GPATCH2L: variants seen among roughly 807,000 people sequenced by gnomAD.
GPATCH2L encodes G patch domain-containing protein 2-like.
GPATCH2L carries 31 observed loss-of-function variants against 57.4 expected under a neutral mutation model. The observed-to-expected ratio is 0.54, with a 90% CI of 0.41 to 0.73. The LOEUF (loss-of-function observed/expected upper bound fraction) is 0.73. Among genes scored for constraint, GPATCH2L ranks in the 30% least tolerant of loss-of-function variants. The probability of loss-of-function intolerance (pLI) is 0.00; values close to 1 mark genes in which losing one functional copy is unlikely to be tolerated. For synonymous variants in GPATCH2L, 199 were observed against 210.7 expected (o/e 0.94, Z 0.48); for missense variants, 481 against 599.9 (o/e 0.80, Z 2.07).
chr14:76,164,884 C>T (rs1457912887), intron 2 of GPATCH2L, among the ~76,000 whole-genome samples: 1 of 152,130 alleles, frequency 6.6e-6, no homozygotes, highest in Non-Finnish European at 1.5e-5. Flanking sequence ...ATGCCATGTC[C>T]AATCATCTGG....
chr14:76,208,280 T>C lies in GPATCH2L; in HGVS notation c.*6429T>C, dbSNP rs570048264. 1 of 152,338 alleles carries C rather than the reference T, an allele frequency of 6.6e-6. No homozygotes were observed. Among genetic ancestry groups the C allele is most frequent in the East Asian group, 1.9e-4 (1 of 5,188 alleles). The allele number at this position is 152,338 out of a possible 1,614,324, so 9.4% of individuals were successfully genotyped here. A position where few individuals can be genotyped will look rare whatever the true frequency, so the allele number is the denominator to read the frequency against. On this transcript the variant is annotated 3_prime_UTR_variant, in exon 10 of 10. Transcript: ENST00000261530. ...AGAACTTAAAGATGGCCTTCGTGAC[T>C]TTGACTCAAAATCAATGCATTTCAT...
At chr14:76,153,529 T>A (rs1009067477) in intron 1 of GPATCH2L, 1 of 152,250 alleles carries the variant, frequency 6.6e-6, no homozygotes. Flanking sequence ...CAGCTGCTAT[T>A]GTATCCTAGT....
chr14:76,196,007 A>G (rs1473449569), intron 9 of GPATCH2L, 35 bp downstream of exon 9: 4 of 1,438,222 alleles, frequency 2.8e-6, no homozygotes, highest in Non-Finnish European at 2.9e-6. Context: ...TTGAGCATGT[A>G]CCGTGTGCCA....
chr14:76,221,454 C>T (rs1159415954), intron 1 of GPATCH2L, among the ~76,000 whole-genome samples: 1 of 152,170 alleles, frequency 6.6e-6, no homozygotes, highest in Non-Finnish European at 1.5e-5. Flanking sequence ...TCTTGCAAAA[C>T]TAAGCATGCT....
chr14:76,184,068 C>T (rs537879856), intron 8 of GPATCH2L, among the ~76,000 whole-genome samples: 3 of 144,634 alleles, frequency 2.1e-5, no homozygotes, highest in East Asian at 2.1e-4. Flanking sequence ...GTGTGTGTGG[C>T]GACAATGTTA....
In GPATCH2L at chr14:76,207,516, C is replaced by T. The variant is rs1014232813; in HGVS notation, c.*5665C>T. ...TGATAATGATGAATCATTTAAAGTA[C>T]GGCTCATAAAAATGAAAAAAAAAAT... On this transcript the variant is annotated 3_prime_UTR_variant, in exon 10 of 10. Coordinates refer to ENST00000261530, the MANE Select transcript of GPATCH2L (RefSeq NM_017926.4). The T allele has an allele frequency of 5.4e-5, 8 of 148,350 alleles. No individual in the cohort carries two copies. The highest frequency in any genetic ancestry group is 1.0e-4 in the Non-Finnish European group (7 of 67,536). The allele number at this position is 148,350 out of a possible 1,614,324, so 9.2% of individuals were successfully genotyped here.
At chr14:76,200,415 C>G (rs1274481225) in intron 9 of GPATCH2L, among the ~76,000 whole-genome samples, 1 of 151,982 alleles carries the variant, frequency 6.6e-6, no homozygotes, top group Non-Finnish European at 1.5e-5. Flanking sequence ...CATGTAGGTA[C>G]AGTTTTTTGA....
At chr14:76,176,541 C>G in intron 5 of GPATCH2L, 82 bp from the exon 6 acceptor site, 2 of 965,138 alleles carry the variant, frequency 2.1e-6, no homozygotes, top group Non-Finnish European at 3.4e-6. Context: ...TTAGCTGGCA[C>G]AGTTATGGGA....
At chr14:76,156,963 T>C (rs2038337621) in intron 2 of GPATCH2L, among the ~76,000 whole-genome samples, 1 of 152,214 alleles carries the variant, frequency 6.6e-6, no homozygotes, top group African/African-American at 2.4e-5. Context: ...ATAACTTAAG[T>C]GGATGGGAAT....
rs2040420435 is a variant in GPATCH2L at position 76,209,844 on chromosome 14, T to C, written c.*7993T>C. On this transcript the variant is annotated 3_prime_UTR_variant, in exon 10 of 10. Coordinates refer to ENST00000261530, the MANE Select transcript of GPATCH2L (RefSeq NM_017926.4). The stretch of plus-strand genomic sequence containing the variant: ...TTTCTGATTCAAAATATGGGGTAGG[T>C]GGATCTGATTAGTAGTCATATGCCT... 6.6e-6 allele frequency: 1 copy of C among 152,214 alleles called. No homozygotes were observed. Among genetic ancestry groups the C allele is most frequent in the Non-Finnish European group, 1.5e-5 (1 of 68,046 alleles). 9.4% of individuals were successfully genotyped at this position (152,214 alleles called of 1,614,324 possible). A position where few individuals can be genotyped will look rare whatever the true frequency, so the allele number is the denominator to read the frequency against.
At chr14:76,157,884 G>A (rs2038384764) in intron 2 of GPATCH2L, among the ~76,000 whole-genome samples, 1 of 152,082 alleles carries the variant, frequency 6.6e-6, no homozygotes, top group Non-Finnish European at 1.5e-5. Flanking sequence ...AATGGTTATA[G>A]TATAGTAGTT....
chr14:76,160,335 T>C (rs1349134692), intron 2 of GPATCH2L, among the ~76,000 whole-genome samples: 1 of 152,176 alleles, frequency 6.6e-6, no homozygotes, highest in Admixed American at 6.5e-5. Context: ...ACTTCTAACG[T>C]GGGCCTCCAT....
chr14:76,155,419 C>T (rs371986723), intron 2 of GPATCH2L, among the ~76,000 whole-genome samples: 2 of 152,166 alleles, frequency 1.3e-5, no homozygotes, highest in Non-Finnish European at 2.9e-5. Context: ...GCCAGGTATA[C>T]GGAGTTTATA....
intron 2 of GPATCH2L, among the ~76,000 whole-genome samples, 159 bp downstream of exon 2, chr14:76,155,184 C>G (rs2038247171): frequency 6.6e-6 from 1 of 152,136 alleles, no homozygotes; most frequent in South Asian, 2.1e-4. Flanking sequence ...TTTTAAGGTA[C>G]CATTCATGAG....
chr14:76,229,446 C>G (rs1449158567), intron 1 of GPATCH2L, among the ~76,000 whole-genome samples: 1 of 152,198 alleles, frequency 6.6e-6, no homozygotes, highest in Non-Finnish European at 1.5e-5. Context: ...TATAATTGCT[C>G]ATGTTTGTCA....
intron 8 of GPATCH2L, among the ~76,000 whole-genome samples, chr14:76,190,051 C>T (rs2039908811): frequency 6.6e-6 from 1 of 151,996 alleles, no homozygotes; most frequent in African/African-American, 2.4e-5. Context: ...AAATCTAACG[C>T]AGTCACTTCA....
In GPATCH2L at chr14:76,212,843, C is replaced by G. The variant is rs889732788; in HGVS notation, c.*10992C>G. Reference sequence around the variant, plus strand: ...GGATAGGTGGTCAGAAAAAAAAATGCAATAAATTAAAGCCAGAAAACACTG... The same window carrying G: ...GGATAGGTGGTCAGAAAAAAAAATGGAATAAATTAAAGCCAGAAAACACTG... On this transcript the variant is annotated 3_prime_UTR_variant, in exon 10 of 10. Coordinates refer to ENST00000261530, the MANE Select transcript of GPATCH2L (RefSeq NM_017926.4). 2.6e-5 allele frequency: 4 copies of G among 151,818 alleles called. No individual in the cohort carries two copies. Among genetic ancestry groups the G allele is most frequent in the African/African-American group, 9.7e-5 (4 of 41,348 alleles). The allele number at this position is 151,818 out of a possible 1,614,324, so 9.4% of individuals were successfully genotyped here. A position where few individuals can be genotyped will look rare whatever the true frequency, so the allele number is the denominator to read the frequency against.
At chr14:76,200,719 T>C (rs1254109028) in intron 9 of GPATCH2L, among the ~76,000 whole-genome samples, 2 of 152,202 alleles carry the variant, frequency 1.3e-5, no homozygotes, top group African/African-American at 2.4e-5. Flanking sequence ...CTTTCTATTT[T>C]TTTCATTGAG....
At chr14:76,160,964 G>A (rs1372377585) in intron 2 of GPATCH2L, among the ~76,000 whole-genome samples, 3 of 152,172 alleles carry the variant, frequency 2.0e-5, no homozygotes, top group Admixed American at 6.5e-5. Context: ...GTCAACCTGC[G>A]GAGGTTGCTG....
Sources: gnomAD v4.1 joint callset for allele counts (sites outside exome capture counted in the v4.1 genomes callset) on GRCh38, gnomAD v4.1.1 for gene constraint, MANE v1.5 for transcripts, NCBI Gene and HGNC (gene_info 2026-07-23, HGNC 2026-07-21) for gene names.